The following FBXO22 variants were observed in gnomAD, a reference collection of about 807,000 sequenced individuals.
FBXO22 encodes the protein F-box only protein 22.
FBXO22 carries 13 observed loss-of-function variants against 37.2 expected under a neutral mutation model. That is an observed-to-expected ratio of 0.35 (90% confidence interval 0.23 to 0.56). The LOEUF (loss-of-function observed/expected upper bound fraction) is 0.56. Ranked by LOEUF, FBXO22 falls within the 20% of genes least tolerant of loss-of-function variation. FBXO22 has a pLI of 0.87. For synonymous variants in FBXO22, 189 were observed against 189.1 expected (o/e 1.00, Z 0.00); for missense variants, 446 against 509.9 (o/e 0.87, Z 1.21).
intron 5 of FBXO22, among the ~76,000 whole-genome samples, chr15:75,925,088 T>G (rs1258963444): frequency 1.3e-5 from 2 of 152,148 alleles, no homozygotes; most frequent in African/African-American, 4.8e-5. Context: ...GGATTGGAAG[T>G]GTCCTGTGTT....
At position 75,933,850 on chromosome 15, in the gene FBXO22, T is replaced by C. The variant is rs1297746550; in HGVS notation, c.*748T>C. 1 of 174,258 alleles carries C rather than the reference T, an allele frequency of 5.7e-6. No individual in the cohort carries two copies. The highest frequency in any genetic ancestry group is 1.3e-5 in the Non-Finnish European group (1 of 79,362). The allele number at this position is 174,258 out of a possible 1,614,324, so 10.8% of individuals were successfully genotyped here. A position where few individuals can be genotyped will look rare whatever the true frequency, so the allele number is the denominator to read the frequency against. ...CATTCAGGTAATGTTTTGCATTTCA[T>C]TGCTTTTGGATGAACAAAGGAAGTA... On this transcript the variant is annotated 3_prime_UTR_variant, in exon 7 of 7. Coordinates refer to ENST00000308275, the MANE Select transcript of FBXO22 (RefSeq NM_147188.3).
At position 75,934,320 on chromosome 15, in the gene FBXO22, C is replaced by T. The variant is rs2030183902; in HGVS notation, c.*1218C>T. Reference sequence around the variant, plus strand: ...CAGAAGGATCCTGGTCCCTGTACGACCTCATTGAAGAAACACCATAAGTGG... The same window carrying T: ...CAGAAGGATCCTGGTCCCTGTACGATCTCATTGAAGAAACACCATAAGTGG... On this transcript the variant is annotated 3_prime_UTR_variant, in exon 7 of 7. Coordinates refer to ENST00000308275, the MANE Select transcript of FBXO22 (RefSeq NM_147188.3). 6.6e-6 allele frequency: 1 copy of T among 152,268 alleles called. No homozygotes were observed. The highest frequency in any genetic ancestry group is 1.5e-5 in the Non-Finnish European group (1 of 68,102). The allele number at this position is 152,268 out of a possible 1,614,324, so 9.4% of individuals were successfully genotyped here. A position where few individuals can be genotyped will look rare whatever the true frequency, so the allele number is the denominator to read the frequency against.
Position 75,903,892 on chromosome 15 carries a change from G to A in FBXO22, c.-72G>A, listed in dbSNP as rs529605221. 30 of 1,402,870 alleles carry A rather than the reference G, an allele frequency of 2.1e-5. No individual in the cohort carries two copies. Among genetic ancestry groups the A allele is most frequent in the Middle Eastern group, 2.6e-4 (1 of 3,870 alleles). The allele number at this position is 1,402,870 out of a possible 1,614,324, so 86.9% of individuals were successfully genotyped here. A position where few individuals can be genotyped will look rare whatever the true frequency, so the allele number is the denominator to read the frequency against. ...GACGCCTGCTCAGTGCGCGCCGGCCGGGCAACCCTATGCTGGCGTAATCGG... is the reference window on the plus strand; with the variant it reads ...GACGCCTGCTCAGTGCGCGCCGGCCAGGCAACCCTATGCTGGCGTAATCGG... On this transcript the variant is annotated 5_prime_UTR_variant, in exon 1 of 7. Transcript: ENST00000308275.
chr15:75,914,401 G>C (rs1446640675), intron 4 of FBXO22, among the ~76,000 whole-genome samples, 196 bp downstream of exon 4: 1 of 152,108 alleles, frequency 6.6e-6, no homozygotes, highest in African/African-American at 2.4e-5. Flanking sequence ...TCATCTCAAG[G>C]TTACCTGTAT....
chr15:75,908,326 G>T (rs1355383085), intron 2 of FBXO22, among the ~76,000 whole-genome samples: 2 of 150,476 alleles, frequency 1.3e-5, no homozygotes, highest in Non-Finnish European at 3.0e-5. Flanking sequence ...AGGCTGGATT[G>T]CAGTGGCCCG....
rs2029949894 is a variant in FBXO22, at chr15:75,929,897, C to T, written c.642C>T (p.Asn214=). 1 of 1,614,034 alleles carries T rather than the reference C, an allele frequency of 6.2e-7. No homozygotes were observed. Among genetic ancestry groups the T allele is most frequent in the Non-Finnish European group, 8.5e-7 (1 of 1,179,944 alleles). ...HQLTEVGLLD[N]PELRVVLVFG... ...ATTTCTCTGCAGGTCTTTTAGATAA[C>T]CCTGAACTTCGTGTGGTCCTTGTCT... is the stretch of plus-strand genomic sequence containing the variant. Residue 214 remains asparagine (N), a synonymous_variant, in exon 6 of 7, where the codon AAC becomes AAT. Transcript: ENST00000308275.
At position 75,915,366 on chromosome 15, in the gene FBXO22, T is replaced by C. The variant is rs576833415; in HGVS notation, c.463+1161T>C. Among the ~76,000 whole-genome samples the C allele has an allele frequency of 8.5e-5, 13 of 152,384 alleles. 1 individual carries two copies. The South Asian group carries it at 1.7e-3, about 19-fold the overall frequency. On this transcript the variant is annotated intron_variant, in intron 4 of 6. Transcript: ENST00000308275. ...ATTTTTGATCTGAATTTGAGTCTTA[T>C]ACAGTGAGGTAAAAAGAATTTTACA...
At chr15:75,904,436 G>C in intron 1 of FBXO22, 55 bp from the exon 2 acceptor site, 1 of 1,611,898 alleles carries the variant, frequency 6.2e-7, no homozygotes, top group Non-Finnish European at 8.5e-7. Flanking sequence ...TGTGAGCTGT[G>C]GGAGAGACGA....
chr15:75,904,747 G>A, intron 2 of FBXO22, 118 bp downstream of exon 2: 1 of 1,073,040 alleles, frequency 9.3e-7, no homozygotes, highest in Non-Finnish European at 1.3e-6. Context: ...TCCGTGAAAA[G>A]ATTTTGTAAA....
intron 6 of FBXO22, among the ~76,000 whole-genome samples, chr15:75,931,983 G>T (rs1037682109): frequency 1.3e-5 from 2 of 152,192 alleles, no homozygotes; most frequent in African/African-American, 4.8e-5. Flanking sequence ...GGAGGCTGAG[G>T]CAGGAGGATT....
rs1280785555 is a variant in FBXO22, at chr15:75,941,936, C to G, written c.*8834C>G. 1 of 30,888 alleles carries G rather than the reference C, an allele frequency of 3.2e-5. No individual in the cohort carries two copies. Among genetic ancestry groups the G allele is most frequent in the Non-Finnish European group, 5.8e-5 (1 of 17,228 alleles). 1.9% of individuals were successfully genotyped at this position (30,888 alleles called of 1,614,324 possible). On this transcript the variant is annotated 3_prime_UTR_variant, in exon 7 of 7. Transcript: ENST00000308275. ...CATTTTGCCACAGTAAATTTTTAAA[C>G]CACCAAAAAAAAAAAAAAAAAAAAA...
intron 5 of FBXO22, among the ~76,000 whole-genome samples, chr15:75,926,649 G>C: frequency 6.6e-6 from 1 of 152,164 alleles, no homozygotes; most frequent in Non-Finnish European, 1.5e-5. Context: ...GGTTGAGGGC[G>C]TATCCGGGAA....
intron 5 of FBXO22, among the ~76,000 whole-genome samples, chr15:75,927,772 T>G (rs2029876648): frequency 1.3e-5 from 2 of 152,116 alleles, no homozygotes; most frequent in Admixed American, 1.3e-4. Flanking sequence ...CCAGAATAGG[T>G]CATTATTTGG....
At position 75,939,281 on chromosome 15, in the gene FBXO22, G is replaced by GAA. The variant is rs1362857603; in HGVS notation, c.*6182_*6183dup. On this transcript the variant is annotated 3_prime_UTR_variant, in exon 7 of 7. Coordinates refer to ENST00000308275, the MANE Select transcript of FBXO22 (RefSeq NM_147188.3). The stretch of plus-strand genomic sequence containing the variant: ...ACAGCACTCTAGATTCTAGAAAAAT[G>GAA]AAAAGGGTTATAGAAGAATACCTTC... 6.6e-6 allele frequency: 1 copy of GAA among 152,006 alleles called. No individual in the cohort carries two copies. The highest frequency in any genetic ancestry group is 2.4e-5 in the African/African-American group (1 of 41,382). 9.4% of individuals were successfully genotyped at this position (152,006 alleles called of 1,614,324 possible).
rs778784538 is a variant in FBXO22, at chr15:75,940,947, T to C, written c.*7845T>C. On this transcript the variant is annotated 3_prime_UTR_variant, in exon 7 of 7. Transcript: ENST00000308275. Reference sequence around the variant, plus strand: ...AACGAAAGAAAAAATAGGCAAATTATACTTCATTAAAATTTTGTGCATCAA... The same window carrying C: ...AACGAAAGAAAAAATAGGCAAATTACACTTCATTAAAATTTTGTGCATCAA... The C allele has an allele frequency of 6.6e-6, 1 of 152,116 alleles. No homozygotes were observed. The highest frequency in any genetic ancestry group is 1.5e-5 in the Non-Finnish European group (1 of 67,976). 9.4% of individuals were successfully genotyped at this position (152,116 alleles called of 1,614,324 possible).
chr15:75,928,746 T>G (rs572292841), intron 5 of FBXO22, among the ~76,000 whole-genome samples: 1 of 152,088 alleles, frequency 6.6e-6, no homozygotes, highest in Non-Finnish European at 1.5e-5. Context: ...AAAAATCAAA[T>G]TGATAGTCTA....
rs1183348060 is a variant in FBXO22, at chr15:75,930,947, T to C, written c.794+898T>C. On this transcript the variant is annotated intron_variant, in intron 6 of 6. Transcript: ENST00000308275. ...TCTCTATGAGCTAGATCTGGGAAAA[T>C]AGCTAAAGTTGAGGTCCCTGGACTG... 5 of 820,740 alleles carry C rather than the reference T, an allele frequency of 6.1e-6. No homozygotes were observed. In the East Asian group the frequency reaches 3.7e-4, roughly 61 times the overall value. The allele number at this position is 820,740 out of a possible 1,614,324, so 50.8% of individuals were successfully genotyped here.
chr15:75,912,322 T>A (rs1567052225), intron 2 of FBXO22, among the ~76,000 whole-genome samples: 1 of 152,194 alleles, frequency 6.6e-6, no homozygotes. Context: ...TTCTGTTGTT[T>A]GGAATAGTTT....
rs770735341 is a variant in FBXO22 at position 75,932,698 on chromosome 15, A to C, written c.808A>C (p.Ile270Leu). The C allele has an allele frequency of 6.3e-7, 1 of 1,593,324 alleles. No individual in the cohort carries two copies. Among genetic ancestry groups the C allele is most frequent in the East Asian group, 2.2e-5 (1 of 44,568 alleles). The change falls in exon 7 of 7, where the codon ATT (isoleucine) becomes CTT (leucine). Residue 270 changes from isoleucine (I) to leucine (L), a missense_variant. Transcript: ENST00000308275. ...TAAATTTTCCAGGAACCCTCTGGATATTGATGCCTCGGGTGTGGTTGGACT... is the reference window on the plus strand; with the variant it reads ...TAAATTTTCCAGGAACCCTCTGGATCTTGATGCCTCGGGTGTGGTTGGACT... ...SLTSEKNPLD[I>L]DASGVVGLSF...
Sources: allele counts gnomAD v4.1 joint callset (sites outside exome capture counted in the v4.1 genomes callset), GRCh38; gene constraint gnomAD v4.1.1; transcripts MANE v1.5; gene names NCBI Gene and HGNC (gene_info 2026-07-23, HGNC 2026-07-21).